The following PINK1 variants were observed in gnomAD, a reference collection of about 807,000 sequenced individuals.
PINK1 encodes the protein serine/threonine-protein kinase PINK1, mitochondrial.
In PINK1, 58 loss-of-function variants were observed where a neutral mutation model predicts 56.0. The observed-to-expected ratio is 1.04, with a 90% CI of 0.84 to 1.29. PINK1 has a LOEUF of 1.29. PINK1 is among the 50% of genes most tolerant of loss of function. The pLI is 0.00. For missense variants in PINK1, 745 were observed against 777.9 expected (o/e 0.96, Z 0.50); for synonymous variants, 354 against 339.3 (o/e 1.04, Z -0.48).
Position 20,651,047 on chromosome 1 carries a change from C to T in PINK1, c.*356C>T, listed in dbSNP as rs760235785. The T allele has an allele frequency of 3.9e-5, 14 of 354,798 alleles. No homozygotes were observed. Among genetic ancestry groups the T allele is most frequent in the East Asian group, 3.4e-4 (5 of 14,700 alleles). 22.0% of individuals were successfully genotyped at this position (354,798 alleles called of 1,614,324 possible). On this transcript the variant is annotated 3_prime_UTR_variant, in exon 8 of 8. Coordinates refer to ENST00000321556, the MANE Select transcript of PINK1 (RefSeq NM_032409.3). ...CGAGGAACTCGTTTGAAGGGGGCAG[C>T]GTAGCATGTCTGATTTGCCACCTGG...
intron 1 of PINK1, among the ~76,000 whole-genome samples, chr1:20,637,267 C>T (rs2053065031): frequency 6.6e-6 from 1 of 152,240 alleles, no homozygotes. Flanking sequence ...CTGCCCCCAG[C>T]ACCTGCACCT....
At position 20,651,184 on chromosome 1, in the gene PINK1, T is replaced by TATTA. The variant is rs1308310374; in HGVS notation, c.*496_*499dup. On this transcript the variant is annotated 3_prime_UTR_variant, in exon 8 of 8. Transcript: ENST00000321556. ...GTGCGTTCTGGACCAGCTACTGAAT[T>TATTA]ATTAATCTCACTTAGCGAAAGTGAC... 2.2e-5 allele frequency: 4 copies of TATTA among 183,564 alleles called. No homozygotes were observed. The highest frequency in any genetic ancestry group is 4.7e-5 in the Non-Finnish European group (4 of 85,502). 11.4% of individuals were successfully genotyped at this position (183,564 alleles called of 1,614,324 possible).
At chr1:20,634,010 C>CCTGGGGGGGGGGGGGGG in intron 1 of PINK1, 75 bp downstream of exon 1, 1 of 804,534 alleles carries the variant, frequency 1.2e-6, no homozygotes, top group Admixed American at 3.6e-5. Flanking sequence ...TGGGTGGGGG[C>CCTGGGGGGGGGGGGGGG]GGGGCTAGGT....
intron 2 of PINK1, 29 bp downstream of exon 2, chr1:20,638,158 G>A (rs774467278): frequency 1.9e-6 from 3 of 1,602,316 alleles, no homozygotes; most frequent in South Asian, 2.2e-5. Flanking sequence ...ATCTTTAAAG[G>A]AGATGTTCTC....
chr1:20,639,330 T>G (rs905681650), intron 2 of PINK1: 1 of 177,570 alleles, frequency 5.6e-6, no homozygotes, highest in Non-Finnish European at 1.2e-5. Flanking sequence ...GCTACAAGAT[T>G]GTTGATTCTT....
intron 3 of PINK1, among the ~76,000 whole-genome samples, chr1:20,644,059 ATCT>A (rs1273626970): frequency 5.3e-5 from 8 of 152,206 alleles, no homozygotes; most frequent in Non-Finnish European, 1.0e-4. Flanking sequence ...CTCTCTAAAT[ATCT>A]TCTTGTACTC....
At chr1:20,634,350 T>G (rs763424429) in intron 1 of PINK1, among the ~76,000 whole-genome samples, 4 of 152,194 alleles carry the variant, frequency 2.6e-5, no homozygotes, top group Admixed American at 6.5e-5. Flanking sequence ...TGCAGTGCCC[T>G]TAACCACTGA....
In PINK1 at chr1:20,639,720, C is replaced by T. The variant is rs1182556862; in HGVS notation, c.676-172C>T. The T allele has an allele frequency of 1.2e-5, 8 of 685,480 alleles. No individual in the cohort carries two copies. In the East Asian group the frequency reaches 2.2e-4, roughly 19 times the overall value. The allele number at this position is 685,480 out of a possible 1,614,324, so 42.5% of individuals were successfully genotyped here. A position where few individuals can be genotyped will look rare whatever the true frequency, so the allele number is the denominator to read the frequency against. On this transcript the variant is annotated intron_variant, in intron 2 of 7. Coordinates refer to ENST00000321556, the MANE Select transcript of PINK1 (RefSeq NM_032409.3). ...TGGCATGGATGGTACCTCTGTCTGC[C>T]TCCCAGGAGTAACTAGTCTCAGCCT...
chr1:20,647,259 A>G (rs7532202), intron 5 of PINK1, among the ~76,000 whole-genome samples: 41,735 of 151,116 alleles, frequency 0.28, 5,923 homozygotes, highest in South Asian at 0.38. Context: ...GGGTTTCACC[A>G]TGTTAGCCAG....
At position 20,651,482 on chromosome 1, in the gene PINK1, C is replaced by G. The variant is rs537315041; in HGVS notation, c.*791C>G. The G allele has an allele frequency of 6.6e-6, 1 of 152,544 alleles. No individual in the cohort carries two copies. Among genetic ancestry groups the G allele is most frequent in the Admixed American group, 6.5e-5 (1 of 15,318 alleles). The allele number at this position is 152,544 out of a possible 1,614,324, so 9.4% of individuals were successfully genotyped here. The stretch of plus-strand genomic sequence containing the variant: ...AGGAAGCTATTGCCTAAATCAGCGT[C>G]AACATGCAGTAAAGGTTGTCTTCAA... On this transcript the variant is annotated 3_prime_UTR_variant, in exon 8 of 8. Coordinates refer to ENST00000321556, the MANE Select transcript of PINK1 (RefSeq NM_032409.3).
In PINK1 at chr1:20,639,860, G is replaced by A. The variant is rs776563194; in HGVS notation, c.676-32G>A. The A allele has an allele frequency of 4.4e-6, 7 of 1,594,074 alleles. No individual in the cohort carries two copies. In the South Asian group the frequency reaches 6.8e-5, roughly 15 times the overall value. ...GGAACTTACCATTCTGCTCCGGCCTGTGTAACCCTGGGTTCCTTGTGGGTG... is the reference window on the plus strand; with the variant it reads ...GGAACTTACCATTCTGCTCCGGCCTATGTAACCCTGGGTTCCTTGTGGGTG... On this transcript the variant is annotated intron_variant, in intron 2 of 7. Coordinates refer to ENST00000321556, the MANE Select transcript of PINK1 (RefSeq NM_032409.3).
intron 5 of PINK1, among the ~76,000 whole-genome samples, chr1:20,646,664 T>G (rs1020017826): frequency 6.6e-6 from 1 of 151,748 alleles, no homozygotes; most frequent in Non-Finnish European, 1.5e-5. Context: ...ATTAATTAAT[T>G]AAATTTTTCA....
chr1:20,638,212 A>G, intron 2 of PINK1, 83 bp downstream of exon 2: 1 of 1,495,228 alleles, frequency 6.7e-7, no homozygotes, highest in South Asian at 1.2e-5. Context: ...TTTTCCAGGA[A>G]GTAGGTAGGA....
intron 1 of PINK1, 117 bp downstream of exon 1, chr1:20,634,052 C>G (rs1479259373): frequency 1.6e-6 from 2 of 1,267,710 alleles, no homozygotes; most frequent in Non-Finnish European, 2.2e-6. Context: ...GATCGAGGGC[C>G]GAGGCGAGGG....
Position 20,650,617 on chromosome 1 carries a change from T to C in PINK1, c.1672T>C (p.Phe558Leu). 2 of 1,614,228 alleles carry C rather than the reference T, an allele frequency of 1.2e-6. No individual in the cohort carries two copies. Among genetic ancestry groups the C allele is most frequent in the South Asian group, 2.2e-5 (2 of 91,088 alleles). ...TGTGGAAACAAAAATGAAGATGCTC[T>C]TTCTGGCTAACCTGGAGTGTGAAAC... is the stretch of plus-strand genomic sequence containing the variant. ...CCVETKMKML[F>L]LANLECETLC... Residue 558 changes from phenylalanine to leucine, a missense_variant, in exon 8 of 8, where the codon TTT (phenylalanine) becomes CTT (leucine). By Grantham distance (22) the Phe-to-Leu change is conservative (BLOSUM62 0). Transcript: ENST00000321556.
At chr1:20,636,844 G>C (rs373390081) in intron 1 of PINK1, among the ~76,000 whole-genome samples, 2 of 152,296 alleles carry the variant, frequency 1.3e-5, no homozygotes, top group East Asian at 3.9e-4. Context: ...AGAAACAGGG[G>C]CTGGAAGGAT....
chr1:20,637,497 C>T (rs1308678202), intron 1 of PINK1, among the ~76,000 whole-genome samples: 4 of 152,194 alleles, frequency 2.6e-5, no homozygotes, highest in Non-Finnish European at 5.9e-5. Flanking sequence ...CTTTGCAGAG[C>T]GAGCTGTCTC....
At chr1:20,647,886 C>T (rs146909671) in intron 5 of PINK1, among the ~76,000 whole-genome samples, 31 of 152,206 alleles carry the variant, frequency 2.0e-4, no homozygotes, top group African/African-American at 7.2e-4. Flanking sequence ...ATTCTCCTGT[C>T]TCAGCCTCCT....
intron 3 of PINK1, among the ~76,000 whole-genome samples, 160 bp downstream of exon 3, chr1:20,640,152 G>T (rs1413244249): frequency 6.6e-6 from 1 of 152,206 alleles, no homozygotes; most frequent in Non-Finnish European, 1.5e-5. Context: ...TTTCACTTGG[G>T]AAAGATTGCA....
Sources: allele counts gnomAD v4.1 joint callset (sites outside exome capture counted in the v4.1 genomes callset), GRCh38; gene constraint gnomAD v4.1.1; transcripts MANE v1.5; gene names NCBI Gene and HGNC (gene_info 2026-07-23, HGNC 2026-07-21).